Variants in SGCZ observed in about 807,000 individuals in gnomAD.
SGCZ encodes zeta-sarcoglycan.
In SGCZ, 40 loss-of-function variants were observed where a neutral mutation model predicts 41.3. That is an observed-to-expected ratio of 0.97 (90% CI 0.75 to 1.26). The LOEUF (loss-of-function observed/expected upper bound fraction) is 1.26. Ranked by LOEUF, SGCZ falls within the 50% of genes most tolerant of loss-of-function variation. SGCZ has a pLI of 0.00. For missense variants in SGCZ, 552 were observed against 369.8 expected (o/e 1.49, Z -4.04); for synonymous variants, 206 against 137.5 (o/e 1.50, Z -3.49).
chr8:14,989,967 C>T (rs1047715238), intron 1 of SGCZ, among the ~76,000 whole-genome samples: 4 of 151,930 alleles, frequency 2.6e-5, no homozygotes, highest in Non-Finnish European at 2.9e-5. Flanking sequence ...TCAAAAGTAC[C>T]GGGAGGTACG....
intron 1 of SGCZ, among the ~76,000 whole-genome samples, chr8:15,069,863 C>T (rs1015618212): frequency 1.3e-5 from 2 of 152,036 alleles, no homozygotes; most frequent in African/African-American, 4.8e-5. Context: ...AATACCTGTG[C>T]TCTTTTCTTT....
chr8:14,581,003 T>C (rs1453295412), intron 1 of SGCZ, among the ~76,000 whole-genome samples: 3 of 152,248 alleles, frequency 2.0e-5, no homozygotes, highest in Admixed American at 2.0e-4. Flanking sequence ...CCATAGCTAC[T>C]GCATTACACT....
At chr8:15,233,433 A>G (rs1802022221) in intron 1 of SGCZ, among the ~76,000 whole-genome samples, 1 of 151,926 alleles carries the variant, frequency 6.6e-6, no homozygotes, top group African/African-American at 2.4e-5. Flanking sequence ...CATTGCTTTA[A>G]GACCTCAGCA....
intron 2 of SGCZ, among the ~76,000 whole-genome samples, chr8:14,389,795 G>A (rs1404707709): frequency 6.6e-6 from 1 of 151,918 alleles, no homozygotes; most frequent in African/African-American, 2.4e-5. Flanking sequence ...AAATAACTAT[G>A]ACTAATATTT....
intron 5 of SGCZ, among the ~76,000 whole-genome samples, chr8:14,135,197 T>C (rs1400035165): frequency 6.6e-6 from 1 of 152,248 alleles, no homozygotes; most frequent in Non-Finnish European, 1.5e-5. Flanking sequence ...GGGTATTCAG[T>C]AATTTTGTTT....
intron 1 of SGCZ, among the ~76,000 whole-genome samples, chr8:14,782,461 A>C (rs1368094486): frequency 1.3e-5 from 2 of 152,130 alleles, no homozygotes; most frequent in Non-Finnish European, 2.9e-5. Flanking sequence ...CTAACTTCTA[A>C]TGTTTCTTTC....
chr8:14,212,312 T>A (rs1479704719), intron 4 of SGCZ, among the ~76,000 whole-genome samples: 1 of 152,062 alleles, frequency 6.6e-6, no homozygotes, highest in African/African-American at 2.4e-5. Flanking sequence ...CTCTTTCCTA[T>A]GGCCACGGCA....
chr8:14,714,784 T>C (rs936484978), intron 1 of SGCZ, among the ~76,000 whole-genome samples: 1 of 152,046 alleles, frequency 6.6e-6, no homozygotes, highest in Non-Finnish European at 1.5e-5. Context: ...TTAAGAACAA[T>C]GGAATTTTTG....
intron 1 of SGCZ, among the ~76,000 whole-genome samples, chr8:14,738,460 A>T (rs1799111432): frequency 6.6e-6 from 1 of 152,078 alleles, no homozygotes. Context: ...AAAAGTTTTT[A>T]ATTTTTCTTC....
At chr8:14,242,006 G>A (rs1261043413) in intron 3 of SGCZ, among the ~76,000 whole-genome samples, 2 of 151,974 alleles carry the variant, frequency 1.3e-5, no homozygotes, top group Non-Finnish European at 2.9e-5. Flanking sequence ...GCTAACCACT[G>A]GATACAAAAG....
At chr8:14,090,813 C>G (rs1239917646) in intron 7 of SGCZ, among the ~76,000 whole-genome samples, 176 bp from the exon 8 acceptor site, 3 of 152,056 alleles carry the variant, frequency 2.0e-5, no homozygotes, top group African/African-American at 7.2e-5. Flanking sequence ...TCCAAAATAT[C>G]TGCAGCTATC....
intron 2 of SGCZ, among the ~76,000 whole-genome samples, chr8:14,417,716 G>C (rs1350037668): frequency 6.6e-6 from 1 of 151,840 alleles, no homozygotes; most frequent in African/African-American, 2.4e-5. Flanking sequence ...TAGATAGCAA[G>C]TTGAGAACTT....
intron 4 of SGCZ, among the ~76,000 whole-genome samples, chr8:14,171,964 A>G (rs1181862612): frequency 6.6e-6 from 1 of 152,132 alleles, no homozygotes; most frequent in Non-Finnish European, 1.5e-5. Flanking sequence ...TTTCATTACA[A>G]TATCTTAGGC....
intron 1 of SGCZ, among the ~76,000 whole-genome samples, chr8:14,816,451 G>C (rs919208963): frequency 2.6e-5 from 4 of 152,126 alleles, no homozygotes; most frequent in African/African-American, 9.7e-5. Flanking sequence ...ACTGATTTCT[G>C]TTCAGTAATT....
intron 1 of SGCZ, among the ~76,000 whole-genome samples, chr8:14,558,073 G>T (rs760287855): frequency 6.6e-6 from 1 of 152,040 alleles, no homozygotes; most frequent in Non-Finnish European, 1.5e-5. Context: ...TAGAGGACAT[G>T]GCTCAATTCC....
chr8:14,765,837 T>C (rs1000288594), intron 1 of SGCZ, among the ~76,000 whole-genome samples: 11 of 152,198 alleles, frequency 7.2e-5, no homozygotes, highest in East Asian at 1.9e-4. Flanking sequence ...AGTTAAATCG[T>C]AGTAAAAAAA....
At chr8:14,723,289 T>C (rs1809948063) in intron 1 of SGCZ, among the ~76,000 whole-genome samples, 2 of 152,194 alleles carry the variant, frequency 1.3e-5, no homozygotes, top group African/African-American at 4.8e-5. Flanking sequence ...GAGAACCCTG[T>C]GTAGGATGCC....
At chr8:14,918,111 T>C (rs1471627761) in intron 1 of SGCZ, among the ~76,000 whole-genome samples, 2 of 152,212 alleles carry the variant, frequency 1.3e-5, no homozygotes, top group Admixed American at 6.5e-5. Context: ...TCCAAGAAGA[T>C]ACTGAGCAAT....
chr8:14,571,838 C>T (rs4484700), intron 1 of SGCZ, among the ~76,000 whole-genome samples: 137,934 of 152,198 alleles, frequency 0.91, 62,902 homozygotes, highest in Non-Finnish European at 0.96. Context: ...ATTATGTCAA[C>T]TGCTGGTTCT....
Sources: allele counts gnomAD v4.1 joint callset (sites outside exome capture counted in the v4.1 genomes callset), GRCh38; gene constraint gnomAD v4.1.1; transcripts MANE v1.5; gene names NCBI Gene and HGNC (gene_info 2026-07-23, HGNC 2026-07-21).